TRIM24: variants seen among roughly 807,000 people sequenced by gnomAD.
The protein encoded by TRIM24 is tripartite motif containing 24.
A neutral mutation model predicts 123.9 loss-of-function variants in TRIM24; 29 were observed. That is an observed-to-expected ratio of 0.23 (90% CI 0.17 to 0.32). The LOEUF (loss-of-function observed/expected upper bound fraction) is 0.32, where lower values mean the gene tolerates loss of function less well. Ranked by LOEUF, TRIM24 falls within the 10% of genes least tolerant of loss-of-function variation. TRIM24 has a pLI of 1.00. For missense variants in TRIM24, 932 were observed against 1,295.3 expected, an observed-to-expected ratio of 0.72 and a Z score of 4.31; for synonymous variants, 456 against 461.1, an observed-to-expected ratio of 0.99 and a Z score of 0.14.
At position 138,585,846 on chromosome 7, in the gene TRIM24, T is replaced by G. The variant is rs1378136164; in HGVS notation, c.*895T>G. 3 of 519,148 alleles carry G rather than the reference T, an allele frequency of 5.8e-6. No individual in the cohort carries two copies. The highest frequency in any genetic ancestry group is 3.8e-5 in the African/African-American group (2 of 51,968). 32.2% of individuals were successfully genotyped at this position (519,148 alleles called of 1,614,324 possible). A position where few individuals can be genotyped will look rare whatever the true frequency, so the allele number is the denominator to read the frequency against. On this transcript the variant is annotated 3_prime_UTR_variant, in exon 19 of 19. Coordinates refer to ENST00000343526, the MANE Select transcript of TRIM24 (RefSeq NM_015905.3). ...TAAATACAGCAGCGTGCACTGTATT[T>G]GATGTGAGGGTTCTTCATCATATAC...
intron 4 of TRIM24, among the ~76,000 whole-genome samples, chr7:138,523,825 C>A (rs960221123): frequency 6.6e-6 from 1 of 151,208 alleles, no homozygotes; most frequent in African/African-American, 2.4e-5. Context: ...GAATTCTTTC[C>A]AACTTGTTAT....
rs7784873 is a variant in TRIM24 at position 138,525,896 on chromosome 7, A to C, written c.881+539A>C. Among the ~76,000 whole-genome samples, 370 of 152,312 alleles carry C rather than the reference A, an allele frequency of 2.4e-3. 1 individual carries two copies. The highest frequency in any genetic ancestry group is 8.5e-3 in the African/African-American group (352 of 41,564). ...ACTTGTTATGCCTTTTGCCCTGGTA[A>C]GAAAATCATCAACTGTCCAAAGTCT... On this transcript the variant is annotated intron_variant, in intron 5 of 18. Coordinates refer to ENST00000343526, the MANE Select transcript of TRIM24 (RefSeq NM_015905.3).
intron 2 of TRIM24, among the ~76,000 whole-genome samples, chr7:138,508,692 T>TGCGTGTGCGCGC (rs1796208058): frequency 7.3e-6 from 1 of 137,214 alleles, no homozygotes; most frequent in Admixed American, 7.2e-5. Flanking sequence ...TGTGTGTGTG[T>TGCGTGTGCGCGC]GCGCGCGCGT....
In TRIM24 at chr7:138,552,575, G is replaced by A. The variant is rs566199425; in HGVS notation, c.1261+1395G>A. ...TTTGGTGGGGGGTTGGGGGGTGCTC[G>A]TTGAATTTGTTTCAGAGTCATCAAA... is the stretch of plus-strand genomic sequence containing the variant. On this transcript the variant is annotated intron_variant, in intron 8 of 18. Transcript: ENST00000343526. Among the ~76,000 whole-genome samples, 117 of 152,116 alleles carry A rather than the reference G, an allele frequency of 7.7e-4. No homozygotes were observed. In the Middle Eastern group the frequency reaches 0.01, roughly 13 times the overall value.
intron 9 of TRIM24, among the ~76,000 whole-genome samples, chr7:138,559,682 T>G (rs113782769): frequency 6.6e-6 from 1 of 152,098 alleles, no homozygotes; most frequent in Admixed American, 6.5e-5. Context: ...TAGGATCAGC[T>G]GGGTCAGATG....
intron 2 of TRIM24, among the ~76,000 whole-genome samples, chr7:138,508,690 T>TGCGCACGCGC (rs371514737): frequency 9.4e-6 from 1 of 106,094 alleles, no homozygotes; most frequent in Non-Finnish European, 2.1e-5. Flanking sequence ...TGTGTGTGTG[T>TGCGCACGCGC]GTGCGCGCGC....
intron 7 of TRIM24, among the ~76,000 whole-genome samples, chr7:138,541,050 G>C (rs1796993122): frequency 2.0e-5 from 3 of 152,116 alleles, no homozygotes; most frequent in Admixed American, 2.0e-4. Flanking sequence ...TGTTTTCCAG[G>C]CTGGTCTCGA....
At chr7:138,544,432 T>C (rs1215703413) in intron 7 of TRIM24, among the ~76,000 whole-genome samples, 1 of 151,912 alleles carries the variant, frequency 6.6e-6, no homozygotes. Flanking sequence ...TGGATACAGG[T>C]TGTTTTTCTA....
intron 1 of TRIM24, among the ~76,000 whole-genome samples, chr7:138,471,042 T>G (rs1428539357): frequency 6.6e-6 from 1 of 152,212 alleles, no homozygotes; most frequent in Admixed American, 6.5e-5. Flanking sequence ...GGTTAACAAC[T>G]GATTATCTAA....
chr7:138,461,179 G>T, intron 1 of TRIM24: 1 of 698,396 alleles, frequency 1.4e-6, no homozygotes, highest in South Asian at 1.4e-5. Context: ...CAGCCGGGCG[G>T]CCCCTGCCAC....
intron 4 of TRIM24, among the ~76,000 whole-genome samples, chr7:138,524,508 C>A (rs531388108): frequency 6.6e-6 from 1 of 152,150 alleles, no homozygotes; most frequent in South Asian, 2.1e-4. Flanking sequence ...TAACTGGCAA[C>A]CCTATTTAGT....
intron 4 of TRIM24, 40 bp from the exon 5 acceptor site, chr7:138,525,201 T>C: frequency 1.1e-6 from 1 of 928,332 alleles, no homozygotes; most frequent in Non-Finnish European, 1.6e-6. Context: ...TTTTTCCTCA[T>C]TGTATATTTT....
Position 138,545,963 on chromosome 7 carries a change from C to T in TRIM24, c.1144-5100C>T, listed in dbSNP as rs1047565085. Reference sequence around the variant, plus strand: ...GATTATTTGGGGGAGAAGTTGATAACAAAACTAAAAGTTATAGAAAGAACA... The same window carrying T: ...GATTATTTGGGGGAGAAGTTGATAATAAAACTAAAAGTTATAGAAAGAACA... On this transcript the variant is annotated intron_variant, in intron 7 of 18. Coordinates refer to ENST00000343526, the MANE Select transcript of TRIM24 (RefSeq NM_015905.3). Among the ~76,000 whole-genome samples the T allele has an allele frequency of 4.6e-5, 7 of 152,038 alleles. 1 individual carries two copies. In the Middle Eastern group the frequency reaches 9.5e-3, roughly 206 times the overall value.
chr7:138,552,850 C>T (rs548169623), intron 8 of TRIM24, among the ~76,000 whole-genome samples: 3 of 152,260 alleles, frequency 2.0e-5, no homozygotes, highest in Non-Finnish European at 2.9e-5. Context: ...CTTTAGAATA[C>T]AGAACATGTG....
intron 16 of TRIM24, among the ~76,000 whole-genome samples, chr7:138,581,353 T>C (rs1445227270): frequency 2.0e-5 from 3 of 152,222 alleles, no homozygotes; most frequent in South Asian, 4.1e-4. Context: ...TAGGTCTGGA[T>C]GCATATTGAG....
At chr7:138,551,260 T>C in intron 8 of TRIM24, 80 bp downstream of exon 8, 1 of 1,286,922 alleles carries the variant, frequency 7.8e-7, no homozygotes, top group Admixed American at 1.7e-5. Context: ...ACTGAAAATA[T>C]GTTCACTTAG....
At chr7:138,584,350 G>A (rs1797967977) in intron 18 of TRIM24, among the ~76,000 whole-genome samples, 1 of 152,034 alleles carries the variant, frequency 6.6e-6, no homozygotes, top group African/African-American at 2.4e-5. Context: ...TTTCTCATCT[G>A]TCAGTTCATC....
intron 1 of TRIM24, among the ~76,000 whole-genome samples, chr7:138,467,475 G>A (rs1795169890): frequency 6.6e-6 from 1 of 152,160 alleles, no homozygotes; most frequent in Non-Finnish European, 1.5e-5. Flanking sequence ...CTGAGTAGCT[G>A]GGACTATAGG....
At chr7:138,541,054 G>C (rs1269922386) in intron 7 of TRIM24, among the ~76,000 whole-genome samples, 1 of 152,020 alleles carries the variant, frequency 6.6e-6, no homozygotes, top group Non-Finnish European at 1.5e-5. Context: ...TTCCAGGCTG[G>C]TCTCGAAACT....
Sources: allele counts gnomAD v4.1 joint callset (sites outside exome capture counted in the v4.1 genomes callset), GRCh38; gene constraint gnomAD v4.1.1; transcripts MANE v1.5; gene names NCBI Gene and HGNC (gene_info 2026-07-23, HGNC 2026-07-21).